CEP164: variants seen among roughly 807,000 people sequenced by gnomAD.
The protein encoded by CEP164 is centrosomal protein 164, also known as centrosomal protein of 164 kDa.
In CEP164, 162 loss-of-function variants were observed where a neutral mutation model predicts 182.7. The ratio of observed to expected loss-of-function variants is 0.89; its 90% CI spans 0.78 to 1.01. The LOEUF (loss-of-function observed/expected upper bound fraction) is 1.01. Among genes scored for constraint, CEP164 ranks in the 50% least tolerant of loss-of-function variants. The pLI, the probability that CEP164 is intolerant of heterozygous loss-of-function variation, is 0.00. For missense variants in CEP164, 1,735 were observed against 1,790.4 expected, an observed-to-expected ratio of 0.97 and a Z score of 0.56; for synonymous variants, 661 against 690.0, an observed-to-expected ratio of 0.96 and a Z score of 0.66.
intron 25 of CEP164, 43 bp downstream of exon 25, chr11:117,396,223 G>T (rs991046249): frequency 2.5e-6 from 4 of 1,591,986 alleles, no homozygotes; most frequent in Non-Finnish European, 3.4e-6. Context: ...CACCAGGATG[G>T]TGTGGGGCAT....
chr11:117,408,934 A>G lies in CEP164; in HGVS notation c.3654A>G (p.Ala1218=), dbSNP rs761544694. The G allele has an allele frequency of 6.2e-6, 10 of 1,614,050 alleles. No homozygotes were observed. The highest frequency in any genetic ancestry group is 1.1e-5 in the South Asian group (1 of 91,080). The part of the protein sequence containing the change: ...GTLGGSPTKK[A]VTFDLSDMDS... ...TGGGAGGATCCCCCACCAAGAAGGC[A>G]GTAACCTTCGACCTCAGTGACATGG... Residue 1218 remains alanine (A), a synonymous_variant, in exon 29 of 33, where the codon GCA becomes GCG. Coordinates refer to ENST00000278935, the MANE Select transcript of CEP164 (RefSeq NM_014956.5).
chr11:117,412,278 A>G lies in CEP164; in HGVS notation c.*110A>G, dbSNP rs981625077. The G allele has an allele frequency of 4.2e-6, 4 of 954,602 alleles. No individual in the cohort carries two copies. The African/African-American group carries it at 6.6e-5, about 16-fold the overall frequency. The allele number at this position is 954,602 out of a possible 1,614,324, so 59.1% of individuals were successfully genotyped here. ...AGAAAGCACCCTCCTTCCCCCTTTG[A>G]CTTGCAGGAGCCACCAGGGACCAGG... On this transcript the variant is annotated 3_prime_UTR_variant, in exon 33 of 33. Coordinates refer to ENST00000278935, the MANE Select transcript of CEP164 (RefSeq NM_014956.5).
chr11:117,392,111 T>C, intron 17 of CEP164, 115 bp from the exon 18 acceptor site: 1 of 790,456 alleles, frequency 1.3e-6, no homozygotes, highest in Non-Finnish European at 1.9e-6. Flanking sequence ...TGCTTCCCCA[T>C]GCTTCCCTTG....
chr11:117,349,791 C>T (rs1200251121), intron 4 of CEP164, among the ~76,000 whole-genome samples: 4 of 152,172 alleles, frequency 2.6e-5, no homozygotes, highest in African/African-American at 9.7e-5. Context: ...TTCCTACCAG[C>T]AGTGTACAAG....
Position 117,351,948 on chromosome 11 carries a change from A to C in CEP164, c.353A>C (p.Lys118Thr). The stretch of plus-strand genomic sequence containing the variant: ...AAGAAGAAGAAAAAAAAAAAGGAAA[A>C]GAAAGACAAGAAGGACAGAGACCCC... ...AIKKKKKKKE[K>T]KDKKDRDPPK... is the part of the protein sequence containing the mutation. Residue 118 changes from lysine to threonine, a missense_variant, in exon 5 of 33, where the codon AAG becomes ACG. Lys to Thr is a moderately conservative substitution (Grantham distance 78). Transcript: ENST00000278935. 6.2e-7 allele frequency: 1 copy of C among 1,608,936 alleles called. No individual in the cohort carries two copies. The highest frequency in any genetic ancestry group is 8.5e-7 in the Non-Finnish European group (1 of 1,177,570).
Position 117,411,888 on chromosome 11 carries a change from G to T in CEP164, c.4257G>T (p.Trp1419Cys), listed in dbSNP as rs1451222844. 6.2e-7 allele frequency: 1 copy of T among 1,614,146 alleles called. No homozygotes were observed. Among genetic ancestry groups the T allele is most frequent in the African/African-American group, 1.3e-5 (1 of 75,042 alleles). Residue 1419 changes from tryptophan to cysteine, a missense_variant, in exon 32 of 33, where the codon TGG (tryptophan) becomes TGT (cysteine). Trp to Cys is a radical substitution (Grantham distance 215). Transcript: ENST00000278935. The surrounding 1 kb of genome is among the most constrained non-coding windows in gnomAD (Gnocchi z 4.4). ...GCATAATTGAGGCCAACCGGAGGTG[G>T]CTGGAACGTGTCAAGAATGACCCCA... ...FQGIIEANRR[W>C]LERVKNDPRL...
chr11:117,407,163 G>A (rs2046782221), intron 27 of CEP164, among the ~76,000 whole-genome samples: 1 of 152,260 alleles, frequency 6.6e-6, no homozygotes, highest in South Asian at 2.1e-4. Flanking sequence ...AGGCCCCGAT[G>A]GCCCCTAGGA....
rs1370257391 is a variant in CEP164 at position 117,390,835 on chromosome 11, G to A, written c.1993G>A (p.Glu665Lys). Residue 665 changes from glutamate to lysine, a missense_variant, in exon 16 of 33, where the codon GAG (glutamate) becomes AAG (lysine). Transcript: ENST00000278935. ...GGAGGAGGAGGCCCGGATGAGAGAG[G>A]AGGAAAGCCAGAGGCTATCCTGGCT... is the stretch of plus-strand genomic sequence containing the variant. ...IEEEEARMRE[E>K]ESQRLSWLRA... is the part of the protein sequence containing the mutation. 2 of 1,613,768 alleles carry A rather than the reference G, an allele frequency of 1.2e-6. No individual in the cohort carries two copies. Among genetic ancestry groups the A allele is most frequent in the South Asian group, 1.1e-5 (1 of 91,052 alleles).
chr11:117,411,737 C>T lies in CEP164; in HGVS notation c.4164-58C>T, dbSNP rs1398293670. 5.0e-6 allele frequency: 8 copies of T among 1,606,450 alleles called. No homozygotes were observed. Among genetic ancestry groups the T allele is most frequent in the Admixed American group, 1.7e-5 (1 of 59,698 alleles). On this transcript the variant is annotated intron_variant, in intron 31 of 32. Transcript: ENST00000278935. This position sits in a 1 kb window ranked among gnomAD's most constrained non-coding sequence, Gnocchi z 4.4. ...GACAGATGTGATGGCCTCTGTGCAT[C>T]CTCTGTCACTTCCGCGCCTCCTCTC...
chr11:117,377,800 A>G (rs1251125813), intron 11 of CEP164, among the ~76,000 whole-genome samples: 1 of 152,206 alleles, frequency 6.6e-6, no homozygotes, highest in African/African-American at 2.4e-5. Flanking sequence ...CTTCACAACC[A>G]TCACCACAAA....
At position 117,411,670 on chromosome 11, in the gene CEP164, C is replaced by T. The variant is rs764683375; in HGVS notation, c.4164-125C>T. The T allele has an allele frequency of 7.3e-6, 10 of 1,365,934 alleles. No individual in the cohort carries two copies. The highest frequency in any genetic ancestry group is 1.0e-5 in the Non-Finnish European group (10 of 994,604). 84.6% of individuals were successfully genotyped at this position (1,365,934 alleles called of 1,614,324 possible). On this transcript the variant is annotated intron_variant, in intron 31 of 32. Transcript: ENST00000278935. The surrounding 1 kb of genome is among the most constrained non-coding windows in gnomAD (Gnocchi z 4.4). ...TGAAGCTTTGAATTGCTAGGGACCT[C>T]GGAGAAGCTGCTCTGGTAGCTGAGA...
chr11:117,409,266 A>T lies in CEP164; in HGVS notation c.3748+238A>T. 1 of 603,252 alleles carries T rather than the reference A, an allele frequency of 1.7e-6. No individual in the cohort carries two copies. Among genetic ancestry groups the T allele is most frequent in the Non-Finnish European group, 2.9e-6 (1 of 346,322 alleles). 37.4% of individuals were successfully genotyped at this position (603,252 alleles called of 1,614,324 possible). ...CTGCAGAGCACTCTACGGTGTGACCACTGGCCTTGCTGGCCTCTTCTCTTC... is the reference window on the plus strand; with the variant it reads ...CTGCAGAGCACTCTACGGTGTGACCTCTGGCCTTGCTGGCCTCTTCTCTTC... On this transcript the variant is annotated intron_variant, in intron 29 of 32. Transcript: ENST00000278935. The surrounding 1 kb of genome is among the most constrained non-coding windows in gnomAD (Gnocchi z 4.4).
At chr11:117,324,440 C>CAAA (rs376068330), upstream of CEP164, among the ~76,000 whole-genome samples, 1 of 125,240 alleles carries the variant, frequency 8.0e-6, no homozygotes. Context: ...AACTCCCTCT[C>CAAA]AAAAAAAAAA....
Position 117,344,260 on chromosome 11 carries a change from T to C in CEP164, c.177T>C (p.Pro59=). The C allele has an allele frequency of 6.2e-7, 1 of 1,612,504 alleles. No homozygotes were observed. Among genetic ancestry groups the C allele is most frequent in the Middle Eastern group, 1.7e-4 (1 of 6,060 alleles). ...GAGAGGGCATCGTGGCCCCACTGCCTGGAGAGTGGAAACCATGGTAAGTCA... is the reference window on the plus strand; with the variant it reads ...GAGAGGGCATCGTGGCCCCACTGCCCGGAGAGTGGAAACCATGGTAAGTCA... ...LAREGIVAPL[P]GEWKPCQDIT... The change falls in exon 4 of 33, where the codon CCT becomes CCC. Residue 59 remains proline (P), a synonymous_variant. Transcript: ENST00000278935.
chr11:117,383,802 C>T (rs1007017472), intron 14 of CEP164, among the ~76,000 whole-genome samples: 3 of 152,076 alleles, frequency 2.0e-5, no homozygotes, highest in Admixed American at 1.3e-4. Flanking sequence ...TCTGGGAGGC[C>T]GAGGCAGGTG....
At chr11:117,326,262 C>T (rs1418880423), upstream of CEP164, among the ~76,000 whole-genome samples, 1 of 150,944 alleles carries the variant, frequency 6.6e-6, no homozygotes, top group Non-Finnish European at 1.5e-5. Context: ...CTTGCTCTGT[C>T]ACCCAGGCTG....
chr11:117,378,973 CATCTT>C (rs1428838258), intron 11 of CEP164, among the ~76,000 whole-genome samples: 4 of 152,174 alleles, frequency 2.6e-5, no homozygotes, highest in Non-Finnish European at 5.9e-5. Flanking sequence ...CTTCATTACT[CATCTT>C]ATATTTTAGT....
Position 117,388,290 on chromosome 11 carries a change from G to A in CEP164, c.1934+878G>A, listed in dbSNP as rs374437158. 3.3e-5 allele frequency among the ~76,000 whole-genome samples: 5 copies of A among 152,228 alleles called. No homozygotes were observed. The South Asian group carries it at 1.0e-3, about 31-fold the overall frequency. On this transcript the variant is annotated intron_variant, in intron 15 of 32. Transcript: ENST00000278935. Reference sequence around the variant, plus strand: ...GCCCTCTTAGGTTGTGGGGAAGACTGGCATGCTAGAAGTGTCTTGATTCAT... The same window carrying A: ...GCCCTCTTAGGTTGTGGGGAAGACTAGCATGCTAGAAGTGTCTTGATTCAT...
Position 117,394,362 on chromosome 11 carries a change from C to T in CEP164, c.2629C>T (p.Arg877Trp), listed in dbSNP as rs986338516. The part of the protein sequence containing the change: ...EQYEAEERKQ[R>W]AELLGHLTGE... ...ACCCTCCTTGCAGGAGAGGAAGCAGCGGGCTGAGCTTCTGGGGCACCTGAC... is the reference window on the plus strand; with the variant it reads ...ACCCTCCTTGCAGGAGAGGAAGCAGTGGGCTGAGCTTCTGGGGCACCTGAC... Residue 877 changes from arginine to tryptophan, a missense_variant, in exon 21 of 33, where the codon CGG becomes TGG. Coordinates refer to ENST00000278935, the MANE Select transcript of CEP164 (RefSeq NM_014956.5). This position sits in a 1 kb window ranked among gnomAD's most constrained non-coding sequence, Gnocchi z 4.0. 1.4e-5 allele frequency: 23 copies of T among 1,601,070 alleles called. No individual in the cohort carries two copies. The highest frequency in any genetic ancestry group is 6.7e-5 in the East Asian group (3 of 44,492).
Sources: gnomAD v4.1 joint callset for allele counts (sites outside exome capture counted in the v4.1 genomes callset) on GRCh38, gnomAD v4.1.1 for gene constraint, Gnocchi (gnomAD v3.1) non-coding constraint, MANE v1.5 for transcripts, NCBI Gene and HGNC (gene_info 2026-07-23, HGNC 2026-07-21) for gene names.